The following TCF7L2 variants were observed in gnomAD, a reference collection of about 807,000 sequenced individuals.
TCF7L2 encodes transcription factor 7-like 2.
In TCF7L2, 23 loss-of-function variants were observed where a neutral mutation model predicts 77.9. That is an observed-to-expected ratio of 0.30 (90% CI 0.21 to 0.42). The LOEUF is 0.42. Among genes scored for constraint, TCF7L2 ranks in the 10% least tolerant of loss-of-function variants. TCF7L2 has a pLI of 1.00. For synonymous variants in TCF7L2, 413 were observed against 340.2 expected (o/e 1.21, Z -2.36); for missense variants, 654 against 793.1 (o/e 0.82, Z 2.11).
At chr10:113,084,970 G>A (rs1023421047) in intron 5 of TCF7L2, among the ~76,000 whole-genome samples, 1 of 151,734 alleles carries the variant, frequency 6.6e-6, no homozygotes, top group Non-Finnish European at 1.5e-5. Flanking sequence ...GTTTTCTGAG[G>A]CAAAGAGGAG....
intron 3 of TCF7L2, among the ~76,000 whole-genome samples, chr10:112,953,237 GA>G (rs1589603183): frequency 1.3e-5 from 2 of 152,084 alleles, no homozygotes; most frequent in East Asian, 3.9e-4. Flanking sequence ...GGCTAGGGAA[GA>G]GAAATAATTA....
intron 5 of TCF7L2, among the ~76,000 whole-genome samples, chr10:113,057,318 C>T (rs2055564700): frequency 6.6e-6 from 1 of 152,226 alleles, no homozygotes; most frequent in African/African-American, 2.4e-5. Context: ...TACAGGTGTG[C>T]ACCACCAGGC....
intron 5 of TCF7L2, among the ~76,000 whole-genome samples, chr10:113,058,014 G>A (rs2055694394): frequency 6.6e-6 from 1 of 152,144 alleles, no homozygotes; most frequent in African/African-American, 2.4e-5. Flanking sequence ...TTGCCTAGAA[G>A]GACCCTCATC....
intron 3 of TCF7L2, among the ~76,000 whole-genome samples, chr10:112,956,744 G>C (rs1252205839): frequency 1.3e-5 from 2 of 152,246 alleles, no homozygotes; most frequent in East Asian, 3.9e-4. Flanking sequence ...GCACCACCAG[G>C]TCATAAATCC....
At position 113,166,073 on chromosome 10, in the gene TCF7L2, T is replaced by C. The variant is rs984220094; in HGVS notation, c.*101T>C. The C allele has an allele frequency of 3.5e-6, 4 of 1,154,740 alleles. No individual in the cohort carries two copies. Among genetic ancestry groups the C allele is most frequent in the Non-Finnish European group, 4.6e-6 (4 of 870,478 alleles). 71.5% of individuals were successfully genotyped at this position (1,154,740 alleles called of 1,614,324 possible). The stretch of plus-strand genomic sequence containing the variant: ...TGAAAGGTTTTGTTTTGTACTCTCT[T>C]AATTTTGTGCCATGTGGCTACATTA... On this transcript the variant is annotated 3_prime_UTR_variant, in exon 14 of 14. Coordinates refer to ENST00000627217, the MANE Select transcript of TCF7L2 (RefSeq NM_001146274.2).
chr10:112,953,340 CAGGGGCCGCGCTCTGGGCTTGCAGCTGT>C (rs2032547186), intron 3 of TCF7L2, among the ~76,000 whole-genome samples: 2 of 152,142 alleles, frequency 1.3e-5, no homozygotes, highest in African/African-American at 4.8e-5. Flanking sequence ...CACCAGGCTG[CAGGGGCCGCGCTCTGGGCTTGCAGCTGT>C]AGGGGAAGCA....
chr10:113,012,996 A>G (rs1002206894), intron 4 of TCF7L2, among the ~76,000 whole-genome samples: 3 of 151,910 alleles, frequency 2.0e-5, no homozygotes, highest in Admixed American at 6.6e-5. Flanking sequence ...CCGGCCCAGT[A>G]TTCATACTGA....
chr10:113,164,742 T>G (rs2073803578), intron 13 of TCF7L2, among the ~76,000 whole-genome samples: 1 of 151,704 alleles, frequency 6.6e-6, no homozygotes, highest in Non-Finnish European at 1.5e-5. Context: ...TTCTACCTGT[T>G]TTTGGTGGTT....
At chr10:113,052,167 C>T (rs1024971750) in intron 5 of TCF7L2, among the ~76,000 whole-genome samples, 5 of 152,112 alleles carry the variant, frequency 3.3e-5, no homozygotes, top group African/African-American at 4.8e-5. Context: ...CCTGCAGCCC[C>T]GAAAGGCTAC....
At chr10:112,992,397 G>A (rs1422504338) in intron 4 of TCF7L2, among the ~76,000 whole-genome samples, 1 of 152,222 alleles carries the variant, frequency 6.6e-6, no homozygotes, top group Non-Finnish European at 1.5e-5. Flanking sequence ...ACCCGACAGA[G>A]AGGCCTTTGT....
chr10:113,065,518 C>T (rs1223390687), intron 5 of TCF7L2, among the ~76,000 whole-genome samples: 3 of 152,194 alleles, frequency 2.0e-5, no homozygotes, highest in African/African-American at 7.2e-5. Context: ...GGCTTATCCA[C>T]CTGCAGCTGT....
intron 4 of TCF7L2, among the ~76,000 whole-genome samples, chr10:113,014,285 C>T (rs2046963900): frequency 6.6e-6 from 1 of 152,210 alleles, no homozygotes; most frequent in Admixed American, 6.5e-5. Flanking sequence ...TGGGGCATAG[C>T]AGGGGGCTTC....
chr10:113,100,805 G>A (rs1362356582), intron 5 of TCF7L2, among the ~76,000 whole-genome samples: 1 of 152,230 alleles, frequency 6.6e-6, no homozygotes, highest in Non-Finnish European at 1.5e-5. Context: ...GCTGGGCGTG[G>A]TGGCTCACGC....
intron 5 of TCF7L2, among the ~76,000 whole-genome samples, chr10:113,106,152 C>T (rs987665121): frequency 6.6e-6 from 1 of 152,138 alleles, no homozygotes; most frequent in African/African-American, 2.4e-5. Context: ...TTAATGCAAA[C>T]AGACCCCAAC....
At chr10:113,103,722 G>A (rs1416030748) in intron 5 of TCF7L2, among the ~76,000 whole-genome samples, 2 of 152,164 alleles carry the variant, frequency 1.3e-5, no homozygotes, top group Non-Finnish European at 1.5e-5. Context: ...TCTTTTGTGC[G>A]AGTGGGTGTG....
intron 5 of TCF7L2, among the ~76,000 whole-genome samples, chr10:113,119,106 C>T (rs1243750924): frequency 1.3e-5 from 2 of 152,136 alleles, no homozygotes; most frequent in African/African-American, 2.4e-5. Flanking sequence ...AGATTGACTT[C>T]GTTGACAGAA....
intron 13 of TCF7L2, among the ~76,000 whole-genome samples, chr10:113,162,642 C>T (rs1162622039): frequency 1.3e-5 from 2 of 152,178 alleles, no homozygotes; most frequent in Non-Finnish European, 2.9e-5. Context: ...TCCTAGGTGC[C>T]AGAGTTCCCC....
At chr10:113,019,244 G>GTTGA (rs1400959169) in intron 4 of TCF7L2, among the ~76,000 whole-genome samples, 1 of 152,232 alleles carries the variant, frequency 6.6e-6, no homozygotes, top group Non-Finnish European at 1.5e-5. Context: ...CCCCGGCGTG[G>GTTGA]TTGAGGCTGC....
chr10:113,042,017 GCC>G (rs909749589), intron 5 of TCF7L2, among the ~76,000 whole-genome samples: 1 of 152,156 alleles, frequency 6.6e-6, no homozygotes, highest in African/African-American at 2.4e-5. Flanking sequence ...GGCTCTGTGG[GCC>G]CCATGCCAGG....
Sources: allele counts gnomAD v4.1 joint callset (sites outside exome capture counted in the v4.1 genomes callset), GRCh38; gene constraint gnomAD v4.1.1; transcripts MANE v1.5; gene names NCBI Gene and HGNC (gene_info 2026-07-23, HGNC 2026-07-21).